STPG2: variants seen among roughly 807,000 people sequenced by gnomAD.
STPG2 encodes sperm tail PG-rich repeat containing 2, also known as sperm-tail PG-rich repeat-containing protein 2.
Under a neutral mutation model 54.2 loss-of-function variants are expected in STPG2, and 56 were observed. The observed-to-expected ratio is 1.03, with a 90% CI of 0.83 to 1.29. The LOEUF (loss-of-function observed/expected upper bound fraction) is 1.29. Among genes scored for constraint, STPG2 ranks in the 50% most tolerant of loss-of-function variants. The pLI, the probability that STPG2 is intolerant of heterozygous loss-of-function variation, is 0.00. For missense variants in STPG2, 596 were observed against 544.9 expected (o/e 1.09, Z -0.93); for synonymous variants, 200 against 181.8 (o/e 1.10, Z -0.81).
chr4:97,806,126 A>T (rs1406808162), intron 9 of STPG2, among the ~76,000 whole-genome samples: 2 of 150,518 alleles, frequency 1.3e-5, no homozygotes, highest in Admixed American at 6.6e-5. Context: ...TGGATTAGAT[A>T]AAACAGTGGA....
chr4:97,850,511 T>C (rs1001999131), intron 8 of STPG2, among the ~76,000 whole-genome samples: 4 of 151,942 alleles, frequency 2.6e-5, no homozygotes, highest in African/African-American at 9.7e-5. Context: ...AAATTATCTA[T>C]ACTTTATAAA....
intron 5 of STPG2, among the ~76,000 whole-genome samples, chr4:98,039,484 C>T (rs556294600): frequency 2.0e-4 from 18 of 88,042 alleles, no homozygotes; most frequent in African/African-American, 7.4e-4. Context: ...TATATATATA[C>T]AAGAAATACA....
intron 5 of STPG2, among the ~76,000 whole-genome samples, chr4:98,076,837 TA>T (rs1270403267): frequency 6.6e-6 from 1 of 152,176 alleles, no homozygotes; most frequent in Non-Finnish European, 1.5e-5. Context: ...ACAGTTCAAT[TA>T]AAACCTACAT....
chr4:97,931,508 A>G (rs998658315), intron 8 of STPG2, among the ~76,000 whole-genome samples: 9 of 152,216 alleles, frequency 5.9e-5, no homozygotes, highest in African/African-American at 1.9e-4. Context: ...ATGTTGAAAC[A>G]ACCTTGAATC....
chr4:97,456,126 T>C lies in STPG2; in HGVS notation c.462+256573A>G, dbSNP rs78963668. ...GCTACAGACTCCAAGAAAACATTTG[T>C]AAAAGACATATTTGATTATATTAGT... On this transcript the variant is annotated intron_variant, in intron 4 of 4. Coordinates refer to the STPG2 transcript ENST00000522676. Among the ~76,000 whole-genome samples, 280 of 152,346 alleles carry C rather than the reference T, an allele frequency of 1.8e-3. 1 individual carries two copies. The highest frequency in any genetic ancestry group is 6.4e-3 in the African/African-American group (267 of 41,580).
intron 9 of STPG2, among the ~76,000 whole-genome samples, chr4:97,793,132 C>T (rs1323698195): frequency 6.6e-6 from 1 of 151,860 alleles, no homozygotes. Context: ...CCAGCCTGGG[C>T]GACACCATCT....
chr4:97,932,285 G>C (rs1439324505), intron 8 of STPG2, among the ~76,000 whole-genome samples: 1 of 151,930 alleles, frequency 6.6e-6, no homozygotes, highest in Non-Finnish European at 1.5e-5. Flanking sequence ...TACTAGTTTT[G>C]GGGTTGATTT....
At chr4:97,966,667 C>T (rs1004663993) in intron 7 of STPG2, among the ~76,000 whole-genome samples, 19 of 152,116 alleles carry the variant, frequency 1.2e-4, no homozygotes, top group South Asian at 2.1e-4. Context: ...AGACTAACAG[C>T]GGATCTCTCA....
intron 10 of STPG2, among the ~76,000 whole-genome samples, chr4:97,640,502 G>GT (rs1721730655): frequency 1.3e-5 from 2 of 151,690 alleles, no homozygotes; most frequent in Non-Finnish European, 2.9e-5. Context: ...TTTAATAAGG[G>GT]AGATAAATCA....
At chr4:98,045,004 T>C (rs1220509592) in intron 5 of STPG2, among the ~76,000 whole-genome samples, 1 of 152,028 alleles carries the variant, frequency 6.6e-6, no homozygotes, top group Non-Finnish European at 1.5e-5. Context: ...CTAGCTGTTG[T>C]AGCAGTGCCC....
chr4:97,673,297 A>G (rs1214359291), intron 10 of STPG2, among the ~76,000 whole-genome samples: 2 of 152,224 alleles, frequency 1.3e-5, no homozygotes, highest in African/African-American at 4.8e-5. Context: ...CATTTTTGTC[A>G]TCTATAGAGA....
chr4:97,694,761 C>T (rs368360491), intron 10 of STPG2, among the ~76,000 whole-genome samples: 7 of 121,220 alleles, frequency 5.8e-5, no homozygotes, highest in South Asian at 2.8e-4. Context: ...TGCAGTGAGC[C>T]GAGATCATGC....
chr4:97,447,680 G>C (rs1186402453), intron 4 of STPG2, among the ~76,000 whole-genome samples: 1 of 152,212 alleles, frequency 6.6e-6, no homozygotes, highest in Non-Finnish European at 1.5e-5. Flanking sequence ...GTCAGGAATT[G>C]CAGTTTGGGA....
intron 10 of STPG2, among the ~76,000 whole-genome samples, chr4:97,612,008 A>G (rs779641461): frequency 1.3e-5 from 2 of 151,818 alleles, no homozygotes; most frequent in African/African-American, 2.4e-5. Context: ...CAAGTAAGTT[A>G]TAAAATATTT....
At chr4:97,842,454 A>G (rs1237570343) in intron 8 of STPG2, among the ~76,000 whole-genome samples, 1 of 151,884 alleles carries the variant, frequency 6.6e-6, no homozygotes, top group Non-Finnish European at 1.5e-5. Context: ...TGTGCATACA[A>G]TATGCCTAGT....
At chr4:97,770,419 C>T (rs1399181680) in intron 9 of STPG2, among the ~76,000 whole-genome samples, 1 of 151,984 alleles carries the variant, frequency 6.6e-6, no homozygotes, top group Non-Finnish European at 1.5e-5. Context: ...TTGGCAAGCA[C>T]AAAGAACTGC....
At chr4:97,507,565 G>A (rs1437273275) in intron 4 of STPG2, among the ~76,000 whole-genome samples, 1 of 151,964 alleles carries the variant, frequency 6.6e-6, no homozygotes, top group Non-Finnish European at 1.5e-5. Context: ...TCCTCCATAA[G>A]ACTGCCCTCA....
At chr4:98,023,503 C>G (rs1471432901) in intron 5 of STPG2, among the ~76,000 whole-genome samples, 1 of 152,204 alleles carries the variant, frequency 6.6e-6, no homozygotes, top group Non-Finnish European at 1.5e-5. Context: ...AGGAGACAGT[C>G]TGCCCGTTCT....
intron 9 of STPG2, among the ~76,000 whole-genome samples, chr4:97,801,461 A>G (rs1727393851): frequency 6.6e-6 from 1 of 151,912 alleles, no homozygotes; most frequent in African/African-American, 2.4e-5. Context: ...AAAAACAAAA[A>G]CCTTTCTGTT....
Sources: gnomAD v4.1 joint callset for allele counts (sites outside exome capture counted in the v4.1 genomes callset) on GRCh38, gnomAD v4.1.1 for gene constraint, MANE v1.5 for transcripts, NCBI Gene and HGNC (gene_info 2026-07-23, HGNC 2026-07-21) for gene names.